Variants in COL5A1 observed in about 807,000 individuals in gnomAD.
The protein encoded by COL5A1 is collagen alpha-1(V) chain.
In COL5A1, 16 loss-of-function variants were observed where a neutral mutation model predicts 263.7. That is an observed-to-expected ratio of 0.06 (90% CI 0.04 to 0.09). The LOEUF is 0.09. Ranked by LOEUF, COL5A1 falls within the 10% of genes least tolerant of loss-of-function variation. The pLI, the probability that COL5A1 is intolerant of heterozygous loss-of-function variation, is 1.00. For synonymous variants in COL5A1, 1,012 were observed against 1,004.5 expected, an observed-to-expected ratio of 1.01 and a Z score of -0.14; for missense variants, 2,036 against 2,540.5, an observed-to-expected ratio of 0.80 and a Z score of 4.27.
intron 9 of COL5A1, among the ~76,000 whole-genome samples, chr9:134,732,913 C>T (rs1384097780): frequency 1.3e-5 from 2 of 152,172 alleles, no homozygotes; most frequent in African/African-American, 4.8e-5. Flanking sequence ...GTCTTGATGC[C>T]CCGCCCCGCC....
intron 13 of COL5A1, among the ~76,000 whole-genome samples, chr9:134,751,350 AC>A (rs1835774387): frequency 6.6e-6 from 1 of 152,116 alleles, no homozygotes; most frequent in Non-Finnish European, 1.5e-5. Flanking sequence ...TCCACCTCTG[AC>A]CCAGTAGGCC....
At position 134,818,718 on chromosome 9, in the gene COL5A1, T is replaced by C; in HGVS notation, c.4293T>C (p.Pro1431=). 1 of 1,611,136 alleles carries C rather than the reference T, an allele frequency of 6.2e-7. No homozygotes were observed. Among genetic ancestry groups the C allele is most frequent in the Non-Finnish European group, 8.5e-7 (1 of 1,179,164 alleles). The change falls in exon 55 of 66, where the codon CCT becomes CCC. Residue 1431 remains proline, a synonymous_variant. Transcript: ENST00000371817. This position sits in a 1 kb window ranked among gnomAD's most constrained non-coding sequence, Gnocchi z 6.0. ...GCCCCATCGGCCCCCAGGGGGCCCCTGGGAAGCCCGGACCGGATGGCCTTC... is the reference window on the plus strand; with the variant it reads ...GCCCCATCGGCCCCCAGGGGGCCCCCGGGAAGCCCGGACCGGATGGCCTTC... The part of the protein sequence containing the change: ...KTGPIGPQGA[P]GKPGPDGLRG...
At chr9:134,784,943 T>TGTGG in intron 29 of COL5A1, 46 bp from the exon 30 acceptor site, 1 of 1,255,800 alleles carries the variant, frequency 8.0e-7, no homozygotes, top group Non-Finnish European at 1.1e-6. Flanking sequence ...GAGAATAGTG[T>TGTGG]GTGTGCGGGG....
chr9:134,649,094 G>A (rs1831578238), intron 1 of COL5A1, among the ~76,000 whole-genome samples: 1 of 152,074 alleles, frequency 6.6e-6, no homozygotes, highest in Non-Finnish European at 1.5e-5. Context: ...GGTGCGGGCG[G>A]GGTGTGGGGG....
chr9:134,783,188 C>T (rs978475247), intron 29 of COL5A1, among the ~76,000 whole-genome samples: 1 of 152,240 alleles, frequency 6.6e-6, no homozygotes, highest in Admixed American at 6.5e-5. Flanking sequence ...GTCTAGGATC[C>T]CTGTGAGCCT....
chr9:134,782,659 A>G lies in COL5A1; in HGVS notation c.2431-8A>G, dbSNP rs1202650167. ...CTAGACTAGGGCACTCTCTTGTCCC[A>G]TATTCAGGGTGAAGACGGCTTTCCT... On this transcript the variant is annotated splice_region_variant and splice_polypyrimidine_tract_variant and intron_variant, in intron 28 of 65. Transcript: ENST00000371817. 1.9e-6 allele frequency: 3 copies of G among 1,613,784 alleles called. No individual in the cohort carries two copies. The highest frequency in any genetic ancestry group is 2.5e-6 in the Non-Finnish European group (3 of 1,179,852).
chr9:134,759,561 A>C (rs555569097), intron 18 of COL5A1, among the ~76,000 whole-genome samples: 1 of 139,416 alleles, frequency 7.2e-6, no homozygotes, highest in South Asian at 2.4e-4. Flanking sequence ...ACTCATACAC[A>C]CATGCACACA....
chr9:134,820,037 G>A (rs1588589229), intron 57 of COL5A1, 79 bp from the exon 58 acceptor site: 2 of 996,622 alleles, frequency 2.0e-6, no homozygotes, highest in Admixed American at 3.4e-5. Context: ...TGGCTGTGCT[G>A]CGTGCTAACT....
rs147576328 is a variant in COL5A1, at chr9:134,754,521, G to T, written c.1827+195G>T. Among the ~76,000 whole-genome samples, 7 of 152,226 alleles carry T rather than the reference G, an allele frequency of 4.6e-5. No individual in the cohort carries two copies. Among genetic ancestry groups the T allele is most frequent in the African/African-American group, 1.7e-4 (7 of 41,466 alleles). Reference sequence around the variant, plus strand: ...GGGAGGGGCGCTCTGTGTCCTGGGCGCAGACACAGCGGACCAGGCCTCTTC... The same window carrying T: ...GGGAGGGGCGCTCTGTGTCCTGGGCTCAGACACAGCGGACCAGGCCTCTTC... On this transcript the variant is annotated intron_variant, in intron 16 of 65. Transcript: ENST00000371817. This position sits in a 1 kb window ranked among gnomAD's most constrained non-coding sequence, Gnocchi z 4.3.
rs748499062 is a variant in COL5A1 at position 134,794,901 on chromosome 9, G to A, written c.2701-181G>A. 2.0e-5 allele frequency among the ~76,000 whole-genome samples: 3 copies of A among 152,258 alleles called. No individual in the cohort carries two copies. The highest frequency in any genetic ancestry group is 3.4e-3 in the Middle Eastern group (1 of 294). The stretch of plus-strand genomic sequence containing the variant: ...GCAAAGCTGTGTGTGTCGGGTGTGC[G>A]GTGAGCTTCTCGCCCTGATAAATCT... On this transcript the variant is annotated intron_variant, in intron 32 of 65. Coordinates refer to ENST00000371817, the MANE Select transcript of COL5A1 (RefSeq NM_000093.5). The surrounding 1 kb of genome is among the most constrained non-coding windows in gnomAD (Gnocchi z 4.3).
At chr9:134,764,443 C>G (rs539278751) in intron 20 of COL5A1, among the ~76,000 whole-genome samples, 3 of 151,852 alleles carry the variant, frequency 2.0e-5, no homozygotes, top group Admixed American at 6.6e-5. Flanking sequence ...TGAATCAGCC[C>G]GAGCTTGGGC....
intron 1 of COL5A1, among the ~76,000 whole-genome samples, chr9:134,676,323 T>C (rs1463958651): frequency 1.3e-5 from 2 of 152,242 alleles, no homozygotes; most frequent in African/African-American, 4.8e-5. Context: ...AGGATTTCCA[T>C]GGCTTAAGGA....
chr9:134,737,124 G>C (rs1835129143), intron 9 of COL5A1, among the ~76,000 whole-genome samples: 1 of 152,230 alleles, frequency 6.6e-6, no homozygotes, highest in Non-Finnish European at 1.5e-5. Context: ...GTCATCCCAG[G>C]GAACTCTCTG....
Position 134,658,489 on chromosome 9 carries a change from C to G in COL5A1, c.109+16193C>G, listed in dbSNP as rs1399675284. The stretch of plus-strand genomic sequence containing the variant: ...TCCCCCCGCCCCTGCTGGGCCTGTC[C>G]TTGCACGCCCTGGGCCCCTTCACAT... On this transcript the variant is annotated intron_variant, in intron 1 of 65. Coordinates refer to ENST00000371817, the MANE Select transcript of COL5A1 (RefSeq NM_000093.5). 4.6e-5 allele frequency among the ~76,000 whole-genome samples: 7 copies of G among 152,334 alleles called. No homozygotes were observed. The East Asian group carries it at 1.4e-3, about 29-fold the overall frequency.
chr9:134,792,972 GCTGT>G (rs1253765475), intron 32 of COL5A1, among the ~76,000 whole-genome samples: 1 of 151,878 alleles, frequency 6.6e-6, no homozygotes, highest in Non-Finnish European at 1.5e-5. Flanking sequence ...CTGTCTGCCT[GCTGT>G]CTGTCTGCCT....
chr9:134,754,021 G>A lies in COL5A1; in HGVS notation c.1773+118G>A. 1 of 1,009,794 alleles carries A rather than the reference G, an allele frequency of 9.9e-7. No homozygotes were observed. Among genetic ancestry groups the A allele is most frequent in the Non-Finnish European group, 1.6e-6 (1 of 644,424 alleles). The allele number at this position is 1,009,794 out of a possible 1,614,324, so 62.6% of individuals were successfully genotyped here. ...GTTTTCAAGGAAATTCGTGGGAATT[G>A]TCCTTGCTTTACGCAGTGCTGAGGG... On this transcript the variant is annotated intron_variant, in intron 15 of 65. Transcript: ENST00000371817. The surrounding 1 kb of genome is among the most constrained non-coding windows in gnomAD (Gnocchi z 4.3).
At chr9:134,664,234 C>A (rs746055691) in intron 1 of COL5A1, among the ~76,000 whole-genome samples, 42 of 152,188 alleles carry the variant, frequency 2.8e-4, no homozygotes, top group Non-Finnish European at 4.7e-4. Context: ...ATCTGAGATG[C>A]GAACTTTAAA....
chr9:134,786,147 G>A (rs1837451327), intron 31 of COL5A1, 99 bp downstream of exon 31: 1 of 1,121,278 alleles, frequency 8.9e-7, no homozygotes, highest in Non-Finnish European at 1.3e-6. Flanking sequence ...CCCGGCACAG[G>A]TGGAAGGATG....
chr9:134,829,132 T>TCATC (rs1343878636), intron 63 of COL5A1, among the ~76,000 whole-genome samples: 2 of 152,164 alleles, frequency 1.3e-5, no homozygotes, highest in Non-Finnish European at 2.9e-5. Context: ...ATTCATTCAT[T>TCATC]CATTCGTTCA....
Sources: gnomAD v4.1 joint callset for allele counts (sites outside exome capture counted in the v4.1 genomes callset) on GRCh38, gnomAD v4.1.1 for gene constraint, Gnocchi (gnomAD v3.1) non-coding constraint, MANE v1.5 for transcripts, NCBI Gene and HGNC (gene_info 2026-07-23, HGNC 2026-07-21) for gene names.